CSMD1: variants seen among roughly 807,000 people sequenced by gnomAD.
The protein encoded by CSMD1 is CUB and sushi domain-containing protein 1.
A neutral mutation model predicts 417.5 loss-of-function variants in CSMD1; 213 were observed. That is an observed-to-expected ratio of 0.51 (90% CI 0.46 to 0.57). The LOEUF (loss-of-function observed/expected upper bound fraction) is 0.57, where lower values mean the gene tolerates loss of function less well. CSMD1 is among the 20% of genes least tolerant of loss of function. CSMD1 has a pLI of 0.00. For missense variants in CSMD1, 6,923 were observed against 4,529.7 expected (o/e 1.53, Z -15.17); for synonymous variants, 2,862 against 1,736.8 (o/e 1.65, Z -16.11).
At chr8:4,426,010 A>G (rs897981459) in intron 2 of CSMD1, among the ~76,000 whole-genome samples, 1 of 152,054 alleles carries the variant, frequency 6.6e-6, no homozygotes, top group African/African-American at 2.4e-5. Context: ...TAAACATTTT[A>G]AAATGTGTTT....
intron 1 of CSMD1, among the ~76,000 whole-genome samples, chr8:4,719,463 C>T (rs1462283401): frequency 1.3e-5 from 2 of 151,936 alleles, no homozygotes; most frequent in African/African-American, 2.4e-5. Flanking sequence ...TCCTTTCTTC[C>T]AGAAATGGAC....
chr8:4,951,443 G>A (rs573335888), intron 1 of CSMD1, among the ~76,000 whole-genome samples: 5 of 145,848 alleles, frequency 3.4e-5, no homozygotes, highest in South Asian at 2.2e-4. Flanking sequence ...GAAAGAAAGA[G>A]GGAAGGAAGG....
intron 5 of CSMD1, among the ~76,000 whole-genome samples, chr8:3,952,536 A>AT (rs1585023574): frequency 6.6e-6 from 1 of 152,186 alleles, no homozygotes; most frequent in Non-Finnish European, 1.5e-5. Context: ...GGTTTGGAAA[A>AT]TTTTTTAACA....
chr8:4,554,220 T>G (rs1307349400), intron 2 of CSMD1, among the ~76,000 whole-genome samples: 1 of 152,166 alleles, frequency 6.6e-6, no homozygotes, highest in Non-Finnish European at 1.5e-5. Flanking sequence ...CACTGCAACC[T>G]ATGCTTCCCG....
intron 12 of CSMD1, among the ~76,000 whole-genome samples, chr8:3,455,333 A>T (rs1015337588): frequency 1.3e-5 from 2 of 152,112 alleles, no homozygotes; most frequent in African/African-American, 4.8e-5. Context: ...TTCTCTGTCC[A>T]ACGTTGCTCC....
At chr8:3,811,255 T>C (rs755364871) in intron 5 of CSMD1, among the ~76,000 whole-genome samples, 2 of 152,194 alleles carry the variant, frequency 1.3e-5, no homozygotes, top group Non-Finnish European at 2.9e-5. Flanking sequence ...TTATGAAACT[T>C]AGAGAGCAAT....
chr8:3,977,316 T>C (rs1322548726), intron 5 of CSMD1, among the ~76,000 whole-genome samples: 1 of 152,182 alleles, frequency 6.6e-6, no homozygotes, highest in Admixed American at 6.5e-5. Flanking sequence ...ATTTCATTCC[T>C]TTCCCAATGT....
intron 1 of CSMD1, among the ~76,000 whole-genome samples, chr8:4,805,743 A>T (rs1158188486): frequency 6.6e-6 from 1 of 152,168 alleles, no homozygotes; most frequent in Non-Finnish European, 1.5e-5. Flanking sequence ...CAAATTCCAG[A>T]CCCTGTCATA....
intron 11 of CSMD1, among the ~76,000 whole-genome samples, chr8:3,476,997 G>C (rs1471427231): frequency 6.6e-6 from 1 of 151,796 alleles, no homozygotes; most frequent in Non-Finnish European, 1.5e-5. Context: ...GGATACTACA[G>C]TATTTTGAAG....
At chr8:4,364,315 A>G (rs188534414) in intron 3 of CSMD1, among the ~76,000 whole-genome samples, 1 of 152,322 alleles carries the variant, frequency 6.6e-6, no homozygotes, top group Admixed American at 6.5e-5. Context: ...TCCTCTTGAT[A>G]AGACTAGGGC....
intron 1 of CSMD1, among the ~76,000 whole-genome samples, chr8:4,885,575 C>T (rs755928732): frequency 3.3e-5 from 5 of 151,882 alleles, no homozygotes; most frequent in Non-Finnish European, 7.4e-5. Context: ...TTCTGCATTA[C>T]TGAGATGATT....
intron 1 of CSMD1, among the ~76,000 whole-genome samples, chr8:4,878,312 T>A (rs937548766): frequency 6.6e-6 from 1 of 152,078 alleles, no homozygotes; most frequent in African/African-American, 2.4e-5. Context: ...CAATTAGAAC[T>A]CATCTTTCTG....
chr8:2,953,357 T>A (rs1802766185), intron 65 of CSMD1, among the ~76,000 whole-genome samples: 1 of 152,074 alleles, frequency 6.6e-6, no homozygotes, highest in Non-Finnish European at 1.5e-5. Context: ...CTGACAATAT[T>A]TTTCCTTGTC....
intron 17 of CSMD1, among the ~76,000 whole-genome samples, chr8:3,392,355 G>A (rs1044499674): frequency 5.9e-5 from 9 of 152,142 alleles, no homozygotes; most frequent in African/African-American, 1.9e-4. Flanking sequence ...TGTGTTGGAT[G>A]AGTGAGTGTA....
chr8:3,190,019 C>T lies in CSMD1; in HGVS notation c.5291G>A (p.Arg1764Gln), dbSNP rs1424242430. 5.0e-6 allele frequency: 8 copies of T among 1,596,296 alleles called. No individual in the cohort carries two copies. Among genetic ancestry groups the T allele is most frequent in the Non-Finnish European group, 6.8e-6 (8 of 1,171,578 alleles). Reference sequence around the variant, plus strand: ...CAGGTATCCCGGGTTGCACTCGAATCGGACGATGGAGCCGGCAGAAAACTC... The same window carrying T: ...CAGGTATCCCGGGTTGCACTCGAATTGGACGATGGAGCCGGCAGAAAACTC... Reference protein sequence around the residue: ...GSEFSAGSIVRFECNPGYLLQ... With the variant: ...GSEFSAGSIVQFECNPGYLLQ... Residue 1764 changes from arginine (R) to glutamine (Q), a missense_variant, in exon 34 of 70, where the codon CGA becomes CAA. Arg to Gln is a conservative substitution (Grantham distance 43, BLOSUM62 1). Coordinates refer to ENST00000635120, the MANE Select transcript of CSMD1 (RefSeq NM_033225.6).
chr8:4,508,160 A>ATTT (rs71207096), intron 2 of CSMD1, among the ~76,000 whole-genome samples: 4 of 110,406 alleles, frequency 3.6e-5, no homozygotes, highest in African/African-American at 1.7e-4. Flanking sequence ...AAGAGGTAAT[A>ATTT]TTTTTTTTTT....
intron 1 of CSMD1, among the ~76,000 whole-genome samples, chr8:4,925,628 G>GTC (rs1348615612): frequency 1.3e-5 from 2 of 151,012 alleles, no homozygotes; most frequent in Non-Finnish European, 1.5e-5. Flanking sequence ...CTCACTGCAA[G>GTC]CTCTGCCTCC....
chr8:3,266,083 A>G (rs1040297081), intron 26 of CSMD1, among the ~76,000 whole-genome samples: 20 of 151,792 alleles, frequency 1.3e-4, no homozygotes, highest in African/African-American at 4.6e-4. Context: ...ATCCATGTCC[A>G]TGCCTGGGGG....
intron 12 of CSMD1, among the ~76,000 whole-genome samples, chr8:3,466,958 T>C (rs1329846396): frequency 2.0e-5 from 3 of 152,168 alleles, no homozygotes; most frequent in African/African-American, 7.2e-5. Context: ...ATTACCTTTT[T>C]GCCTTTGGAC....
Sources: gnomAD v4.1 joint callset for allele counts (sites outside exome capture counted in the v4.1 genomes callset) on GRCh38, gnomAD v4.1.1 for gene constraint, MANE v1.5 for transcripts, NCBI Gene and HGNC (gene_info 2026-07-23, HGNC 2026-07-21) for gene names.